Variants in FHIT observed in about 807,000 individuals in gnomAD.
FHIT encodes bis(5'-adenosyl)-triphosphatase.
FHIT carries 19 observed loss-of-function variants against 17.9 expected under a neutral mutation model. The observed-to-expected ratio is 1.06, with a 90% CI of 0.74 to 1.56. The LOEUF is 1.56. Ranked by LOEUF, FHIT falls within the 40% of genes most tolerant of loss-of-function variation. FHIT has a pLI of 0.00. For synonymous variants in FHIT, 81 were observed against 69.7 expected, an observed-to-expected ratio of 1.16 and a Z score of -0.81; for missense variants, 248 against 189.2, an observed-to-expected ratio of 1.31 and a Z score of -1.82.
At chr3:60,358,565 G>T (rs1170140418) in intron 5 of FHIT, among the ~76,000 whole-genome samples, 6 of 152,186 alleles carry the variant, frequency 3.9e-5, no homozygotes, top group Non-Finnish European at 8.8e-5. Context: ...AAAAGCTAAG[G>T]TCATAGTGTT....
chr3:59,983,625 T>C (rs2107441940), intron 7 of FHIT, among the ~76,000 whole-genome samples: 1 of 152,276 alleles, frequency 6.6e-6, no homozygotes, highest in East Asian at 1.9e-4. Context: ...GGTCTTAGAA[T>C]GTATTCCCTT....
chr3:61,164,852 G>C (rs2037791138), intron 2 of FHIT, among the ~76,000 whole-genome samples: 2 of 152,242 alleles, frequency 1.3e-5, no homozygotes, highest in African/African-American at 2.4e-5. Flanking sequence ...TTATGTCTAT[G>C]AGTACCCAAC....
At chr3:60,338,469 T>C (rs552725700) in intron 5 of FHIT, among the ~76,000 whole-genome samples, 35 of 152,330 alleles carry the variant, frequency 2.3e-4, no homozygotes, top group Admixed American at 9.8e-4. Context: ...TCTGTGATTA[T>C]AGGCATGCGC....
At position 60,104,523 on chromosome 3, in the gene FHIT, G is replaced by C. The variant is rs1704327319; in HGVS notation, c.104-90371C>G. On this transcript the variant is annotated intron_variant, in intron 5 of 9. Transcript: ENST00000492590. The stretch of plus-strand genomic sequence containing the variant: ...CAACAATCAGTGGGCTTATAGAATA[G>C]AAAGAGAAAGAGGGGGAGAGGTTTT... Among the ~76,000 whole-genome samples, 2 of 149,816 alleles carry C rather than the reference G, an allele frequency of 1.3e-5. 1 individual carries two copies. Among genetic ancestry groups the C allele is most frequent in the South Asian group, 4.2e-4 (2 of 4,746 alleles).
At chr3:60,508,457 T>C (rs189198639) in intron 5 of FHIT, among the ~76,000 whole-genome samples, 14 of 152,310 alleles carry the variant, frequency 9.2e-5, no homozygotes, top group Admixed American at 5.9e-4. Context: ...GAAACTGTTA[T>C]TACTGAATAA....
At chr3:61,215,708 T>A (rs917603806) in intron 1 of FHIT, among the ~76,000 whole-genome samples, 12 of 152,012 alleles carry the variant, frequency 7.9e-5, no homozygotes. Flanking sequence ...GCCAAAAGAA[T>A]AAAGCTGGAG....
chr3:59,838,478 A>G (rs2106736946), intron 8 of FHIT, among the ~76,000 whole-genome samples: 1 of 152,224 alleles, frequency 6.6e-6, no homozygotes, highest in East Asian at 1.9e-4. Flanking sequence ...CATAGACTCA[A>G]ATTCCAAGTA....
intron 5 of FHIT, among the ~76,000 whole-genome samples, chr3:60,137,209 T>C (rs573961680): frequency 6.6e-6 from 1 of 152,302 alleles, no homozygotes; most frequent in East Asian, 1.9e-4. Flanking sequence ...GGAATGGTTT[T>C]CTTTTAAGGA....
intron 1 of FHIT, among the ~76,000 whole-genome samples, chr3:61,223,206 C>T (rs989875090): frequency 2.0e-5 from 3 of 152,082 alleles, no homozygotes; most frequent in Non-Finnish European, 2.9e-5. Context: ...AAATTCCATT[C>T]GACAAATTTT....
chr3:61,006,349 G>A (rs1051936357), intron 3 of FHIT, among the ~76,000 whole-genome samples: 8 of 151,990 alleles, frequency 5.3e-5, no homozygotes, highest in Middle Eastern at 3.2e-3. Flanking sequence ...GAACAAAAAC[G>A]TTATTAAAAA....
chr3:60,975,603 A>C (rs976052818), intron 3 of FHIT, among the ~76,000 whole-genome samples: 1 of 152,226 alleles, frequency 6.6e-6, no homozygotes, highest in African/African-American at 2.4e-5. Flanking sequence ...TTAGTGTGCC[A>C]ATCATGGCTG....
chr3:61,218,648 A>C (rs368779491), intron 1 of FHIT, among the ~76,000 whole-genome samples: 110 of 152,256 alleles, frequency 7.2e-4, no homozygotes, highest in African/African-American at 2.6e-3. Context: ...ACCAGTACTG[A>C]AGGTTCCTGA....
rs987884091 is a variant in FHIT at position 59,803,039 on chromosome 3, G to T, written c.349-50718C>A. Reference sequence around the variant, plus strand: ...ATGCCTGCCCTGTGATATCCCCAGCGCTGCCTAGCTGAATGGTGCATACAT... The same window carrying T: ...ATGCCTGCCCTGTGATATCCCCAGCTCTGCCTAGCTGAATGGTGCATACAT... On this transcript the variant is annotated intron_variant, in intron 8 of 9. Coordinates refer to ENST00000492590, the MANE Select transcript of FHIT (RefSeq NM_002012.4). Among the ~76,000 whole-genome samples the T allele has an allele frequency of 5.3e-5, 8 of 152,086 alleles. No individual in the cohort carries two copies. In the East Asian group the frequency reaches 1.4e-3, roughly 26 times the overall value.
chr3:60,433,786 T>C (rs1299770207), intron 5 of FHIT, among the ~76,000 whole-genome samples: 4 of 152,162 alleles, frequency 2.6e-5, no homozygotes, highest in African/African-American at 4.8e-5. Flanking sequence ...TTTTTGGCTA[T>C]TGAGTTATAG....
chr3:61,059,635 C>T (rs1399701085), intron 2 of FHIT, among the ~76,000 whole-genome samples: 2 of 152,088 alleles, frequency 1.3e-5, no homozygotes, highest in Non-Finnish European at 2.9e-5. Context: ...TCCCTCAAAC[C>T]TCCTTCAAAG....
intron 8 of FHIT, among the ~76,000 whole-genome samples, chr3:59,809,919 C>T (rs1267279276): frequency 6.6e-6 from 1 of 152,146 alleles, no homozygotes. Flanking sequence ...GCTGTGATTC[C>T]TCCATGTTGA....
intron 5 of FHIT, among the ~76,000 whole-genome samples, chr3:60,069,054 A>G (rs1267185839): frequency 3.3e-5 from 5 of 152,156 alleles, no homozygotes; most frequent in African/African-American, 1.2e-4. Flanking sequence ...AAGCTCCAAA[A>G]CATACTCTGA....
chr3:60,610,579 C>G (rs1370871131), intron 4 of FHIT, among the ~76,000 whole-genome samples: 1 of 152,132 alleles, frequency 6.6e-6, no homozygotes, highest in Non-Finnish European at 1.5e-5. Context: ...ATTTCAGCTT[C>G]TTGAGAGAAC....
intron 7 of FHIT, among the ~76,000 whole-genome samples, chr3:59,958,640 G>A (rs937529461): frequency 2.6e-5 from 4 of 152,200 alleles, no homozygotes; most frequent in South Asian, 2.1e-4. Flanking sequence ...GCCCAAGGTC[G>A]ACAGTAAACA....
Sources: allele counts gnomAD v4.1 joint callset (sites outside exome capture counted in the v4.1 genomes callset), GRCh38; gene constraint gnomAD v4.1.1; transcripts MANE v1.5; gene names NCBI Gene and HGNC (gene_info 2026-07-23, HGNC 2026-07-21).